Variants in AFG1L observed in about 807,000 individuals in gnomAD.
AFG1L encodes AFG1 like ATPase.
Under a neutral mutation model 62.2 loss-of-function variants are expected in AFG1L, and 53 were observed. The observed-to-expected ratio is 0.85, with a 90% confidence interval of 0.68 to 1.07. AFG1L has a LOEUF of 1.07. AFG1L is among the 50% of genes least tolerant of loss of function. AFG1L has a pLI of 0.00. For synonymous variants in AFG1L, 228 were observed against 210.3 expected (o/e 1.08, Z -0.73); for missense variants, 555 against 590.5 (o/e 0.94, Z 0.62).
At chr6:108,416,270 A>G (rs2114674330) in intron 7 of AFG1L, among the ~76,000 whole-genome samples, 1 of 152,338 alleles carries the variant, frequency 6.6e-6, no homozygotes, top group Admixed American at 6.5e-5. Flanking sequence ...AAAGTCAGGA[A>G]ACAACAGGTG....
At chr6:108,469,543 G>A (rs1394867098) in intron 8 of AFG1L, among the ~76,000 whole-genome samples, 1 of 152,154 alleles carries the variant, frequency 6.6e-6, no homozygotes, top group African/African-American at 2.4e-5. Flanking sequence ...ATGTATTAGA[G>A]AAAGTATGAA....
chr6:108,433,193 C>T (rs930075042), intron 7 of AFG1L, among the ~76,000 whole-genome samples: 11 of 152,140 alleles, frequency 7.2e-5, no homozygotes, highest in Non-Finnish European at 1.5e-4. Context: ...GTTATGTGAA[C>T]AAATAAATCT....
At chr6:108,299,260 C>G (rs1455534644) in intron 1 of AFG1L, among the ~76,000 whole-genome samples, 5 of 125,350 alleles carry the variant, frequency 4.0e-5, no homozygotes, top group Non-Finnish European at 8.2e-5. Context: ...GACTCCATCT[C>G]AAAAAAGAAA....
At chr6:108,481,588 C>T (rs962581090) in intron 10 of AFG1L, among the ~76,000 whole-genome samples, 28 of 151,736 alleles carry the variant, frequency 1.8e-4, no homozygotes, top group African/African-American at 6.6e-4. Flanking sequence ...ATCATATACT[C>T]ACAGTAAAAA....
chr6:108,399,083 G>T (rs1428108199), intron 6 of AFG1L, among the ~76,000 whole-genome samples: 1 of 151,384 alleles, frequency 6.6e-6, no homozygotes, highest in South Asian at 2.1e-4. Context: ...CTATGAATAC[G>T]GAATAGCTTT....
intron 6 of AFG1L, chr6:108,387,591 G>C (rs1780825185): frequency 6.6e-6 from 1 of 152,262 alleles, no homozygotes; most frequent in Admixed American, 6.5e-5. Context: ...AGACAGTTTT[G>C]ACTCTAAGAT....
At chr6:108,313,979 C>G (rs189937593) in intron 1 of AFG1L, among the ~76,000 whole-genome samples, 1 of 152,234 alleles carries the variant, frequency 6.6e-6, no homozygotes, top group Admixed American at 6.5e-5. Flanking sequence ...CTTTGGGAGG[C>G]CAAGGCGAGT....
chr6:108,395,825 A>G (rs1215075846), intron 6 of AFG1L, among the ~76,000 whole-genome samples: 1 of 151,088 alleles, frequency 6.6e-6, no homozygotes, highest in South Asian at 2.1e-4. Context: ...AGGGAGAGAG[A>G]GAGGGAGAGA....
intron 7 of AFG1L, among the ~76,000 whole-genome samples, chr6:108,440,076 C>A (rs1267506231): frequency 2.6e-5 from 4 of 152,106 alleles, no homozygotes; most frequent in Non-Finnish European, 2.9e-5. Context: ...TATAAACAAA[C>A]TTTTTTCTGA....
chr6:108,381,481 C>G (rs538743596), intron 6 of AFG1L, among the ~76,000 whole-genome samples: 1 of 151,698 alleles, frequency 6.6e-6, no homozygotes, highest in Non-Finnish European at 1.5e-5. Flanking sequence ...GCAGGAGAAT[C>G]GCTTGAGTCC....
rs922869116 is a variant in AFG1L, at chr6:108,295,366, C to T, written c.139+148C>T. On this transcript the variant is annotated intron_variant, in intron 1 of 12. Coordinates refer to ENST00000368977, the MANE Select transcript of AFG1L (RefSeq NM_145315.5). ...GAGAGGAGTTTCCATTTCTCTTGAC[C>T]TTTTATACTGTCTGTGAATGAGCCC... The T allele has an allele frequency of 1.2e-5, 10 of 852,424 alleles. No homozygotes were observed. The African/African-American group carries it at 1.2e-4, about 10-fold the overall frequency. 52.8% of individuals were successfully genotyped at this position (852,424 alleles called of 1,614,324 possible).
intron 11 of AFG1L, among the ~76,000 whole-genome samples, chr6:108,512,470 C>A (rs917533091): frequency 6.6e-6 from 1 of 152,010 alleles, no homozygotes; most frequent in Non-Finnish European, 1.5e-5. Flanking sequence ...TCCACAGACT[C>A]GACTCTACAG....
intron 7 of AFG1L, among the ~76,000 whole-genome samples, chr6:108,431,133 T>C (rs1432146448): frequency 6.6e-6 from 1 of 152,102 alleles, no homozygotes; most frequent in African/African-American, 2.4e-5. Context: ...GGCGAAGTCT[T>C]GCTCATGTCA....
intron 8 of AFG1L, among the ~76,000 whole-genome samples, chr6:108,473,028 C>G (rs1772967145): frequency 6.6e-6 from 1 of 152,090 alleles, no homozygotes; most frequent in African/African-American, 2.4e-5. Flanking sequence ...TCTCCAACTC[C>G]TGGCCTCAAG....
At chr6:108,442,654 G>A (rs924592151) in intron 7 of AFG1L, among the ~76,000 whole-genome samples, 1 of 152,000 alleles carries the variant, frequency 6.6e-6, no homozygotes, top group Non-Finnish European at 1.5e-5. Flanking sequence ...CAGCTTCTTG[G>A]GTGTTATTTT....
At chr6:108,478,726 G>C (rs976999004) in intron 10 of AFG1L, among the ~76,000 whole-genome samples, 1 of 152,154 alleles carries the variant, frequency 6.6e-6, no homozygotes. Context: ...AGAGGGGAAC[G>C]GGAAAAGACA....
chr6:108,411,794 A>G (rs894619841), intron 7 of AFG1L, among the ~76,000 whole-genome samples: 6 of 152,246 alleles, frequency 3.9e-5, no homozygotes, highest in Non-Finnish European at 8.8e-5. Context: ...ATAAAACCAC[A>G]AAGATGGGGA....
At chr6:108,295,292 T>C in intron 1 of AFG1L, 74 bp downstream of exon 1, 1 of 1,494,730 alleles carries the variant, frequency 6.7e-7, no homozygotes. Flanking sequence ...ACCCTCCCTG[T>C]CCGATCTACC....
At chr6:108,517,889 A>G (rs1177310634) in intron 11 of AFG1L, among the ~76,000 whole-genome samples, 1 of 152,266 alleles carries the variant, frequency 6.6e-6, no homozygotes, top group Non-Finnish European at 1.5e-5. Flanking sequence ...TTCAGCCAAA[A>G]GACACATGGA....
Sources: allele counts gnomAD v4.1 joint callset (sites outside exome capture counted in the v4.1 genomes callset), GRCh38; gene constraint gnomAD v4.1.1; transcripts MANE v1.5; gene names NCBI Gene and HGNC (gene_info 2026-07-23, HGNC 2026-07-21).